Variants in SPOCK1 observed in about 807,000 individuals in gnomAD.
SPOCK1 encodes the protein SPARC (osteonectin), cwcv and kazal like domains proteoglycan 1.
A neutral mutation model predicts 55.3 loss-of-function variants in SPOCK1; 23 were observed. The ratio of observed to expected loss-of-function variants is 0.42; its 90% CI spans 0.30 to 0.59. SPOCK1 has a LOEUF of 0.59. SPOCK1 is among the 20% of genes least tolerant of loss of function. SPOCK1 has a pLI of 0.22. For missense variants in SPOCK1, 499 were observed against 552.5 expected, an observed-to-expected ratio of 0.90 and a Z score of 0.97; for synonymous variants, 226 against 221.0, an observed-to-expected ratio of 1.02 and a Z score of -0.20.
intron 2 of SPOCK1, among the ~76,000 whole-genome samples, chr5:137,445,824 C>T (rs1753115839): frequency 6.6e-6 from 1 of 152,154 alleles, no homozygotes; most frequent in African/African-American, 2.4e-5. Flanking sequence ...TGCTAGCAGA[C>T]TGGACATACA....
chr5:137,411,464 A>G (rs908171551), intron 2 of SPOCK1, among the ~76,000 whole-genome samples: 2 of 152,198 alleles, frequency 1.3e-5, no homozygotes, highest in Admixed American at 1.3e-4. Flanking sequence ...GAGTTTGGGC[A>G]TCACTCTGAA....
chr5:137,160,624 T>TTATATAATATATAA (rs1192968104), intron 3 of SPOCK1, among the ~76,000 whole-genome samples: 1 of 69,340 alleles, frequency 1.4e-5, no homozygotes, highest in Non-Finnish European at 2.5e-5. Flanking sequence ...AATATATATT[T>TTATATAATATATAA]TATATAATAT....
At chr5:136,978,976 A>T in intron 10 of SPOCK1, 132 bp from the exon 11 acceptor site, 1 of 975,040 alleles carries the variant, frequency 1.0e-6, no homozygotes, top group South Asian at 1.7e-5. Context: ...TCCCTGCCCC[A>T]CTGAGGTGAG....
chr5:137,076,220 G>C (rs1410642666), intron 5 of SPOCK1, among the ~76,000 whole-genome samples: 2 of 152,158 alleles, frequency 1.3e-5, no homozygotes, highest in African/African-American at 4.8e-5. Context: ...CTTTCCTCCA[G>C]GAAAGCTTTT....
At chr5:137,108,161 A>G (rs1753401768) in intron 5 of SPOCK1, among the ~76,000 whole-genome samples, 1 of 152,162 alleles carries the variant, frequency 6.6e-6, no homozygotes, top group African/African-American at 2.4e-5. Context: ...TTTGTCTCTG[A>G]GACTAAATCA....
intron 6 of SPOCK1, among the ~76,000 whole-genome samples, chr5:136,995,431 C>T (rs1420732726): frequency 2.0e-5 from 3 of 152,160 alleles, no homozygotes; most frequent in Non-Finnish European, 1.5e-5. Flanking sequence ...CTTATTGGAT[C>T]CAACTCAGAA....
rs185927810 is a variant in SPOCK1, at chr5:137,022,763, C to T, written c.590-30163G>A. On this transcript the variant is annotated intron_variant, in intron 6 of 10. Transcript: ENST00000394945. The stretch of plus-strand genomic sequence containing the variant: ...ATCATATACAGTAAACAACAAAGGG[C>T]AGCTATTGACATTAGTATTACTGTT... 2.6e-5 allele frequency among the ~76,000 whole-genome samples: 4 copies of T among 152,284 alleles called. No homozygotes were observed. In the East Asian group the frequency reaches 5.8e-4, roughly 22 times the overall value.
intron 3 of SPOCK1, among the ~76,000 whole-genome samples, chr5:137,222,393 C>T (rs1343119649): frequency 6.6e-6 from 1 of 152,160 alleles, no homozygotes; most frequent in African/African-American, 2.4e-5. Context: ...CTAATAAGAG[C>T]ATTTAGTAAA....
intron 5 of SPOCK1, among the ~76,000 whole-genome samples, chr5:137,109,643 A>C (rs1158082544): frequency 1.3e-5 from 2 of 152,028 alleles, no homozygotes. Context: ...AGACGGTTTC[A>C]ATATCCTCCC....
At position 137,498,442 on chromosome 5, in the gene SPOCK1, T is replaced by C; in HGVS notation, c.117A>G (p.Leu39=). 2.5e-6 allele frequency: 4 copies of C among 1,611,200 alleles called. No homozygotes were observed. The highest frequency in any genetic ancestry group is 1.1e-5 in the South Asian group (1 of 90,628). Reference sequence around the variant, plus strand: ...CGGTGCTCAGCCACTGGTCATTGTCTAGGAAATTGCCGTGGTTGGGGCCCG... The same window carrying C: ...CGGTGCTCAGCCACTGGTCATTGTCCAGGAAATTGCCGTGGTTGGGGCCCG... The part of the protein sequence containing the change: ...GGAGPNHGNF[L]DNDQWLSTVS... Residue 39 remains leucine (L), a synonymous_variant, in exon 2 of 11, where the codon CTA becomes CTG. Transcript: ENST00000394945.
intron 6 of SPOCK1, among the ~76,000 whole-genome samples, chr5:137,032,512 G>A (rs1014471949): frequency 1.3e-5 from 2 of 152,154 alleles, no homozygotes; most frequent in East Asian, 3.9e-4. Flanking sequence ...GTGCAGCGGG[G>A]AAGCTGAGAG....
chr5:137,325,582 A>T (rs958465172), intron 2 of SPOCK1, among the ~76,000 whole-genome samples: 1 of 152,200 alleles, frequency 6.6e-6, no homozygotes, highest in African/African-American at 2.4e-5. Flanking sequence ...TATATCACTC[A>T]ATGATTTATG....
chr5:137,440,700 C>G (rs1752982712), intron 2 of SPOCK1, among the ~76,000 whole-genome samples: 1 of 152,180 alleles, frequency 6.6e-6, no homozygotes, highest in Non-Finnish European at 1.5e-5. Context: ...ATTTGGTTCC[C>G]TGGAAGTTAT....
chr5:137,108,642 T>C (rs1753410315), intron 5 of SPOCK1, among the ~76,000 whole-genome samples: 1 of 152,160 alleles, frequency 6.6e-6, no homozygotes, highest in African/African-American at 2.4e-5. Context: ...TTTGGTAAGA[T>C]GGCTTTAGAC....
intron 3 of SPOCK1, among the ~76,000 whole-genome samples, chr5:137,142,709 G>C (rs939748559): frequency 1.3e-5 from 2 of 152,250 alleles, no homozygotes; most frequent in Non-Finnish European, 2.9e-5. Context: ...GCAGGGCCCT[G>C]TGTCTGCCTT....
At chr5:137,455,813 G>A (rs2149835989) in intron 2 of SPOCK1, among the ~76,000 whole-genome samples, 1 of 152,170 alleles carries the variant, frequency 6.6e-6, no homozygotes, top group East Asian at 1.9e-4. Flanking sequence ...AGGATCGCTT[G>A]AGCCCAAAAG....
chr5:137,146,564 A>G (rs1754198247), intron 3 of SPOCK1, among the ~76,000 whole-genome samples: 1 of 152,292 alleles, frequency 6.6e-6, no homozygotes, highest in East Asian at 1.9e-4. Flanking sequence ...AAATTACACC[A>G]AACTGTGAAA....
intron 2 of SPOCK1, among the ~76,000 whole-genome samples, chr5:137,365,993 T>C (rs1353279941): frequency 2.6e-5 from 4 of 152,156 alleles, no homozygotes; most frequent in Non-Finnish European, 5.9e-5. Flanking sequence ...CCTCATGAAT[T>C]GCCCAAAAGG....
In SPOCK1 at chr5:137,007,547, A is replaced by G. The variant is rs181559463; in HGVS notation, c.590-14947T>C. ...AAGCAACATATGAAAAAAGCTCATC[A>G]TCACTGGTCATTAGAGAAATGCAAA... is the stretch of plus-strand genomic sequence containing the variant. On this transcript the variant is annotated intron_variant, in intron 6 of 10. Coordinates refer to ENST00000394945, the MANE Select transcript of SPOCK1 (RefSeq NM_004598.4). Among the ~76,000 whole-genome samples, 544 of 152,376 alleles carry G rather than the reference A, an allele frequency of 3.6e-3. 7 individuals are homozygous for G. Among genetic ancestry groups the G allele is most frequent in the African/African-American group, 0.012 (509 of 41,594 alleles).
Sources: allele counts gnomAD v4.1 joint callset (sites outside exome capture counted in the v4.1 genomes callset), GRCh38; gene constraint gnomAD v4.1.1; transcripts MANE v1.5; gene names NCBI Gene and HGNC (gene_info 2026-07-23, HGNC 2026-07-21).